WASHC2A: variants seen among roughly 807,000 people sequenced by gnomAD.
The protein encoded by WASHC2A is WASH complex subunit FAM21A.
WASHC2A carries 82 observed loss-of-function variants against 140.3 expected under a neutral mutation model. The ratio of observed to expected loss-of-function variants is 0.58; its 90% confidence interval spans 0.49 to 0.70. The LOEUF is 0.70. Ranked by LOEUF, WASHC2A falls within the 30% of genes least tolerant of loss-of-function variation. WASHC2A has a pLI of 0.00. For synonymous variants in WASHC2A, 340 were observed against 560.8 expected (o/e 0.61, Z 5.56); for missense variants, 985 against 1,521.8 (o/e 0.65, Z 5.87).
Position 50,129,744 on chromosome 10 carries a change from C to T in WASHC2A, c.3413C>T (p.Thr1138Met), listed in dbSNP as rs1312262101. Residue 1138 changes from threonine (T) to methionine (M), a missense_variant, in exon 29 of 31, where the codon ACG becomes ATG. By Grantham distance (81) the Thr-to-Met change is moderately conservative. Transcript: ENST00000282633. Reference sequence around the variant, plus strand: ...TTTGATTCTGGGGACATCTTTTCCACGGGCACTGGATCTCAGTCTGTGGAG... The same window carrying T: ...TTTGATTCTGGGGACATCTTTTCCATGGGCACTGGATCTCAGTCTGTGGAG... ...DLFDSGDIFSTGTGSQSVERT... is the reference protein window; with the variant it reads ...DLFDSGDIFSMGTGSQSVERT... 3.2e-5 allele frequency: 52 copies of T among 1,611,904 alleles called. No individual in the cohort carries two copies. Among genetic ancestry groups the T allele is most frequent in the South Asian group, 5.5e-5 (5 of 90,986 alleles).
At chr10:50,095,465 G>A in intron 14 of WASHC2A, 134 bp from the exon 15 acceptor site, 5 of 1,376,414 alleles carry the variant, frequency 3.6e-6, no homozygotes, top group East Asian at 2.5e-5. Flanking sequence ...AATGGATGGA[G>A]GCTATTGGGC....
At chr10:50,128,414 G>A (rs914638511) in intron 28 of WASHC2A, among the ~76,000 whole-genome samples, 2 of 152,192 alleles carry the variant, frequency 1.3e-5, no homozygotes, top group Non-Finnish European at 2.9e-5. Context: ...AGTTCCCACA[G>A]CAGCGACACT....
At chr10:50,105,196 C>G (rs1244458393) in intron 18 of WASHC2A, among the ~76,000 whole-genome samples, 3,780 of 151,470 alleles carry the variant, frequency 0.025, 97 homozygotes, top group African/African-American at 0.085. Context: ...CATTGTCTTT[C>G]TTTCCCATCC....
chr10:50,101,430 T>C (rs551541196), intron 17 of WASHC2A, among the ~76,000 whole-genome samples: 4 of 152,408 alleles, frequency 2.6e-5, no homozygotes, highest in African/African-American at 9.6e-5. Context: ...CCTGTTCCTC[T>C]TTCCTATTTC....
intron 3 of WASHC2A, among the ~76,000 whole-genome samples, chr10:50,077,130 A>T (rs1426061111): frequency 6.6e-6 from 1 of 151,150 alleles, no homozygotes; most frequent in Non-Finnish European, 1.5e-5. Flanking sequence ...AAAAAAAAAA[A>T]AGGGCAAAAA....
intron 23 of WASHC2A, among the ~76,000 whole-genome samples, chr10:50,124,348 C>T (rs1171411807): frequency 6.6e-6 from 1 of 151,604 alleles, no homozygotes; most frequent in Non-Finnish European, 1.5e-5. Flanking sequence ...TGGTAATCCA[C>T]CCACCTTGGC....
Position 50,126,141 on chromosome 10 carries a change from A to G in WASHC2A, c.2773A>G (p.Ser925Gly). The part of the protein sequence containing the change: ...NQKHPESIQG[S>G]KEKGIWKPET... The stretch of plus-strand genomic sequence containing the variant: ...GAAACATCCTGAATCCATTCAAGGT[A>G]GTAAAGAAAAAGGCATATGGAAGCC... The change falls in exon 26 of 31, where the codon AGT becomes GGT. Residue 925 changes from serine to glycine, a missense_variant. Physicochemically the swap from Ser to Gly is moderately conservative, Grantham distance 56. Coordinates refer to ENST00000282633, the MANE Select transcript of WASHC2A (RefSeq NM_001005751.3). 1.9e-6 allele frequency: 3 copies of G among 1,613,822 alleles called. No homozygotes were observed. Among genetic ancestry groups the G allele is most frequent in the South Asian group, 2.2e-5 (2 of 91,058 alleles).
chr10:50,131,811 C>T (rs932400889), intron 30 of WASHC2A, among the ~76,000 whole-genome samples: 5 of 152,120 alleles, frequency 3.3e-5, no homozygotes, highest in Admixed American at 2.6e-4. Context: ...CCCTGCTTCC[C>T]GCCACATGGA....
intron 23 of WASHC2A, among the ~76,000 whole-genome samples, chr10:50,119,984 C>T (rs1260634685): frequency 7.3e-6 from 1 of 137,398 alleles, no homozygotes; most frequent in Non-Finnish European, 1.5e-5. Flanking sequence ...TTTCACCCCC[C>T]CTCTTCTGGG....
At chr10:50,126,646 C>T (rs1433376104) in intron 26 of WASHC2A, 1 of 298,668 alleles carries the variant, frequency 3.3e-6, no homozygotes, top group East Asian at 9.1e-5. Context: ...CAGCCCAGGA[C>T]TGGAGAGCGA....
intron 16 of WASHC2A, among the ~76,000 whole-genome samples, chr10:50,098,270 AC>A (rs1174728807): frequency 6.6e-6 from 1 of 151,998 alleles, no homozygotes; most frequent in East Asian, 1.9e-4. Flanking sequence ...TTGTAAAATC[AC>A]CCCAACAAAT....
intron 4 of WASHC2A, among the ~76,000 whole-genome samples, chr10:50,079,403 A>G (rs2458463): frequency 6.6e-6 from 1 of 152,086 alleles, no homozygotes; most frequent in Non-Finnish European, 1.5e-5. Flanking sequence ...ATTTAAAAAA[A>G]TTTTTTATTT....
Position 50,068,276 on chromosome 10 carries a change from C to T in WASHC2A, c.126+49C>T, listed in dbSNP as rs782108398. ...CGAGAGCGGCAGGGGTGACGCTTGG[C>T]TTGCGCGCAGGAGGGCCGGACCGCG... On this transcript the variant is annotated intron_variant, in intron 2 of 30. Transcript: ENST00000282633. The T allele has an allele frequency of 8.2e-5, 124 of 1,506,106 alleles. 1 individual carries two copies. The African/African-American group carries it at 1.6e-3, about 19-fold the overall frequency. The allele number at this position is 1,506,106 out of a possible 1,614,324, so 93.3% of individuals were successfully genotyped here.
At chr10:50,068,435 G>C (rs1249550314) in intron 2 of WASHC2A, among the ~76,000 whole-genome samples, 11 of 151,750 alleles carry the variant, frequency 7.2e-5, no homozygotes, top group African/African-American at 2.7e-4. Context: ...GCCCAGACGC[G>C]ACGTTCCCTT....
At chr10:50,081,923 G>A (rs797027503) in intron 5 of WASHC2A, among the ~76,000 whole-genome samples, 2 of 152,064 alleles carry the variant, frequency 1.3e-5, no homozygotes, top group Admixed American at 6.5e-5. Flanking sequence ...ATGAGCCACC[G>A]CACCCAGCCT....
chr10:50,130,814 T>C (rs1843897044), intron 29 of WASHC2A, 87 bp from the exon 30 acceptor site: 5 of 1,592,958 alleles, frequency 3.1e-6, no homozygotes, highest in Non-Finnish European at 4.3e-6. Flanking sequence ...CCCTGGCCAA[T>C]TGTATTTCCA....
intron 21 of WASHC2A, among the ~76,000 whole-genome samples, chr10:50,114,509 G>A (rs1300399893): frequency 7.9e-6 from 1 of 126,196 alleles, no homozygotes; most frequent in African/African-American, 2.8e-5. Context: ...AGCTTATTGG[G>A]ATGAAAAACA....
rs1400505289 is a variant in WASHC2A, at chr10:50,131,009, T to C, written c.3817T>C (p.Leu1273=). 2.1e-4 allele frequency: 332 copies of C among 1,610,792 alleles called. No homozygotes were observed. The African/African-American group carries it at 3.9e-3, about 19-fold the overall frequency. Residue 1273 remains leucine (L), a synonymous_variant, in exon 30 of 31, where the codon TTA becomes CTA. Coordinates refer to ENST00000282633, the MANE Select transcript of WASHC2A (RefSeq NM_001005751.3). ...FDDNIDIFAD[L]TVKPKEKSKK... Reference sequence around the variant, plus strand: ...TGATAACATTGATATCTTTGCTGACTTAACTGTAAAACCAAAAGAAAAGTC... The same window carrying C: ...TGATAACATTGATATCTTTGCTGACCTAACTGTAAAACCAAAAGAAAAGTC...
At chr10:50,125,311 G>C (rs1843340561) in intron 24 of WASHC2A, 58 bp from the exon 25 acceptor site, 2 of 1,593,114 alleles carry the variant, frequency 1.3e-6, no homozygotes, top group Non-Finnish European at 1.7e-6. Flanking sequence ...AGCTCACCTA[G>C]TTCTCTTTGT....
Sources: gnomAD v4.1 joint callset for allele counts (sites outside exome capture counted in the v4.1 genomes callset) on GRCh38, gnomAD v4.1.1 for gene constraint, MANE v1.5 for transcripts, NCBI Gene and HGNC (gene_info 2026-07-23, HGNC 2026-07-21) for gene names.